NME1: variants seen among roughly 807,000 people sequenced by gnomAD.
NME1 encodes the protein NME/NM23 nucleoside diphosphate kinase 1, also known as nucleoside diphosphate kinase A.
In NME1, 9 loss-of-function variants were observed where a neutral mutation model predicts 17.2. That is an observed-to-expected ratio of 0.52 (90% CI 0.32 to 0.92). The LOEUF (loss-of-function observed/expected upper bound fraction) is 0.92. NME1 is among the 40% of genes least tolerant of loss of function. The pLI, the probability that NME1 is intolerant of heterozygous loss-of-function variation, is 0.04. For missense variants in NME1, 169 were observed against 201.7 expected, an observed-to-expected ratio of 0.84 and a Z score of 0.98; for synonymous variants, 72 against 70.8, an observed-to-expected ratio of 1.02 and a Z score of -0.09.
intron 4 of NME1, 37 bp downstream of exon 4, chr17:51,161,309 T>G: frequency 2.6e-6 from 4 of 1,552,066 alleles, no homozygotes; most frequent in Non-Finnish European, 3.5e-6. Flanking sequence ...TTCCAAAATC[T>G]GATTTAGTTG....
intron 2 of NME1, 134 bp from the exon 3 acceptor site, chr17:51,159,846 G>T: frequency 1.0e-6 from 1 of 964,188 alleles, no homozygotes. Flanking sequence ...TGTGGAGAAT[G>T]AATTGGGTTA....
In NME1 at chr17:51,161,892, C is replaced by A; in HGVS notation, c.*47C>A. 1 of 1,215,192 alleles carries A rather than the reference C, an allele frequency of 8.2e-7. No individual in the cohort carries two copies. The highest frequency in any genetic ancestry group is 1.2e-6 in the Non-Finnish European group (1 of 817,456). The allele number at this position is 1,215,192 out of a possible 1,614,324, so 75.3% of individuals were successfully genotyped here. A position where few individuals can be genotyped will look rare whatever the true frequency, so the allele number is the denominator to read the frequency against. On this transcript the variant is annotated 3_prime_UTR_variant, in exon 5 of 5. Transcript: ENST00000393196. ...TTTTCACATCCATTTCCCCTCCTTC[C>A]CATGGGCAGAGGACCAGGCTGTAGG...
chr17:51,160,890 G>A (rs538043000), intron 3 of NME1, among the ~76,000 whole-genome samples: 61 of 152,206 alleles, frequency 4.0e-4, no homozygotes, highest in African/African-American at 1.4e-3. Flanking sequence ...GATTACAGGC[G>A]TGAGCCACTG....
intron 1 of NME1, 52 bp from the exon 2 acceptor site, chr17:51,155,599 C>T (rs2049773996): frequency 1.9e-6 from 3 of 1,609,420 alleles, no homozygotes; most frequent in Non-Finnish European, 2.5e-6. Flanking sequence ...ACGGATGACG[C>T]TGTAGGCAAG....
In NME1 at chr17:51,161,158, A is replaced by C; in HGVS notation, c.229-2A>C. The C allele has an allele frequency of 6.2e-7, 1 of 1,608,232 alleles. No individual in the cohort carries two copies. The highest frequency in any genetic ancestry group is 8.5e-7 in the Non-Finnish European group (1 of 1,177,450). On this transcript the variant is annotated splice_acceptor_variant, in intron 3 of 4. Coordinates refer to ENST00000393196, the MANE Select transcript of NME1 (RefSeq NM_000269.3). LOFTEE classifies it high-confidence loss of function. The stretch of plus-strand genomic sequence containing the variant: ...TGACCATATCTTCTTCTGTCCTTGG[A>C]GGTCTGGGAGGGGCTGAATGTGGTG...
Position 51,154,228 on chromosome 17 carries a change from C to T in NME1, c.-5+566C>T. The T allele has an allele frequency of 4.0e-6, 3 of 747,850 alleles. 1 individual carries two copies. The South Asian group carries it at 4.2e-5, about 11-fold the overall frequency. 46.3% of individuals were successfully genotyped at this position (747,850 alleles called of 1,614,324 possible). A position where few individuals can be genotyped will look rare whatever the true frequency, so the allele number is the denominator to read the frequency against. ...CTTTGCTCCTATTGACTGCTAGGCC[C>T]TGTGGCTAGGTACCATAGAGTCTCT... is the stretch of plus-strand genomic sequence containing the variant. On this transcript the variant is annotated intron_variant, in intron 1 of 4. Transcript: ENST00000393196.
intron 3 of NME1, chr17:51,160,320 TGAC>T (rs2049846714): frequency 6.7e-6 from 4 of 600,012 alleles, no homozygotes; most frequent in Non-Finnish European, 1.2e-5. Context: ...GTGATCTGAA[TGAC>T]AAGAAGCAGC....
At position 51,155,706 on chromosome 17, in the gene NME1, C is replaced by T. The variant is rs201563847; in HGVS notation, c.52C>T (p.Arg18Trp). The change falls in exon 2 of 5, where the codon CGG (arginine) becomes TGG (tryptophan). Residue 18 changes from arginine (R) to tryptophan (W), a missense_variant. Transcript: ENST00000393196. Reference protein sequence around the residue: ...FIAIKPDGVQRGLVGEIIKRF... With the variant: ...FIAIKPDGVQWGLVGEIIKRF... Reference sequence around the variant, plus strand: ...TGCGATCAAACCAGATGGGGTCCAGCGGGGTCTTGTGGGAGAGATTATCAA... The same window carrying T: ...TGCGATCAAACCAGATGGGGTCCAGTGGGGTCTTGTGGGAGAGATTATCAA... 441 of 1,614,026 alleles carry T rather than the reference C, an allele frequency of 2.7e-4. No individual in the cohort carries two copies. Among genetic ancestry groups the T allele is most frequent in the Non-Finnish European group, 3.6e-4 (424 of 1,180,014 alleles).
chr17:51,161,741 GGC>G lies in NME1; in HGVS notation c.356_357del (p.Gly119GlufsTer2). On this transcript the variant is annotated frameshift_variant, in exon 5 of 5. Transcript: ENST00000393196. LOFTEE classifies it high-confidence loss of function. Reference sequence around the variant, plus strand: ...TTCTCCACCCAGGAACATTATACATGGCAGTGATTCTGTGGAGAGTGCAGAGA... The same window carrying G: ...TTCTCCACCCAGGAACATTATACATGAGTGATTCTGTGGAGAGTGCAGAGA... ...CIQVGRNIIH[G>X]SDSVESAEKE... 6.2e-7 allele frequency: 1 copy of G among 1,613,166 alleles called. No individual in the cohort carries two copies. The highest frequency in any genetic ancestry group is 2.2e-5 in the East Asian group (1 of 44,882).
intron 2 of NME1, among the ~76,000 whole-genome samples, chr17:51,157,413 T>C (rs879377305): frequency 1.6e-4 from 25 of 152,116 alleles, no homozygotes; most frequent in Middle Eastern, 3.2e-3. Flanking sequence ...GTTGATTTTA[T>C]AACAAACCCA....
At chr17:51,159,901 G>A (rs1249597066) in intron 2 of NME1, 79 bp from the exon 3 acceptor site, 7 of 1,536,672 alleles carry the variant, frequency 4.6e-6, no homozygotes, top group Non-Finnish European at 6.3e-6. Flanking sequence ...ACATAGCAGG[G>A]TGGATGAGGG....
chr17:51,158,410 A>C (rs1259002359), intron 2 of NME1, among the ~76,000 whole-genome samples: 2 of 152,244 alleles, frequency 1.3e-5, no homozygotes, highest in African/African-American at 2.4e-5. Context: ...ATTGCACTCC[A>C]GCCTGGGTGA....
Position 51,161,888 on chromosome 17 carries a change from C to T in NME1, c.*43C>T, listed in dbSNP as rs2049869622. 1.6e-6 allele frequency: 2 copies of T among 1,254,066 alleles called. No homozygotes were observed. Among genetic ancestry groups the T allele is most frequent in the South Asian group, 2.4e-5 (2 of 83,870 alleles). The allele number at this position is 1,254,066 out of a possible 1,614,324, so 77.7% of individuals were successfully genotyped here. ...TTGCTTTTCACATCCATTTCCCCTCCTTCCCATGGGCAGAGGACCAGGCTG... is the reference window on the plus strand; with the variant it reads ...TTGCTTTTCACATCCATTTCCCCTCTTTCCCATGGGCAGAGGACCAGGCTG... On this transcript the variant is annotated 3_prime_UTR_variant, in exon 5 of 5. Transcript: ENST00000393196.
At chr17:51,154,864 A>C (rs1021129811) in intron 1 of NME1, among the ~76,000 whole-genome samples, 2 of 152,226 alleles carry the variant, frequency 1.3e-5, no homozygotes, top group African/African-American at 4.8e-5. Flanking sequence ...ATTGAGAAAG[A>C]TAGTGCCTTG....
intron 2 of NME1, among the ~76,000 whole-genome samples, chr17:51,158,108 C>T (rs550158836): frequency 3.3e-5 from 5 of 152,228 alleles, no homozygotes; most frequent in African/African-American, 7.2e-5. Flanking sequence ...GGTGAAACCC[C>T]GTCTCTACTA....
chr17:51,155,375 C>A (rs1234036305), intron 1 of NME1, among the ~76,000 whole-genome samples: 1 of 152,144 alleles, frequency 6.6e-6, no homozygotes, highest in Admixed American at 6.6e-5. Context: ...ATAGCGAAAC[C>A]CCATCTCTAA....
chr17:51,160,551 T>C, intron 3 of NME1: 1 of 309,026 alleles, frequency 3.2e-6, no homozygotes, highest in Non-Finnish European at 6.3e-6. Context: ...CTTAGGGGTG[T>C]GTTGACCATA....
At chr17:51,156,807 G>A (rs865936297) in intron 2 of NME1, among the ~76,000 whole-genome samples, 14 of 150,430 alleles carry the variant, frequency 9.3e-5, no homozygotes, top group East Asian at 7.8e-4. Flanking sequence ...CAGGAGAATC[G>A]CTTGAACTGG....
At chr17:51,160,754 C>T (rs1464672788) in intron 3 of NME1, among the ~76,000 whole-genome samples, 4 of 151,982 alleles carry the variant, frequency 2.6e-5, no homozygotes, top group African/African-American at 9.7e-5. Context: ...GGACTACAGG[C>T]GCCCGCCACC....
Sources: allele counts gnomAD v4.1 joint callset (sites outside exome capture counted in the v4.1 genomes callset), GRCh38; gene constraint gnomAD v4.1.1; transcripts MANE v1.5; gene names NCBI Gene and HGNC (gene_info 2026-07-23, HGNC 2026-07-21).